SGCZ: variants seen among roughly 807,000 people sequenced by gnomAD.
SGCZ encodes the protein zeta-sarcoglycan.
SGCZ carries 40 observed loss-of-function variants against 41.3 expected under a neutral mutation model. That is an observed-to-expected ratio of 0.97 (90% CI 0.75 to 1.26). The LOEUF (loss-of-function observed/expected upper bound fraction) is 1.26. SGCZ is among the 50% of genes most tolerant of loss of function. The pLI is 0.00. For missense variants in SGCZ, 552 were observed against 369.8 expected (o/e 1.49, Z -4.04); for synonymous variants, 206 against 137.5 (o/e 1.50, Z -3.49).
At chr8:15,011,336 G>C (rs1802821158) in intron 1 of SGCZ, among the ~76,000 whole-genome samples, 1 of 152,066 alleles carries the variant, frequency 6.6e-6, no homozygotes. Context: ...AACAAAAACG[G>C]CCATTACAGA....
intron 2 of SGCZ, among the ~76,000 whole-genome samples, chr8:14,340,736 A>G (rs1240347710): frequency 6.6e-6 from 1 of 152,198 alleles, no homozygotes; most frequent in Non-Finnish European, 1.5e-5. Context: ...AATAAAGTGC[A>G]AAACCAATTC....
chr8:14,680,366 A>T (rs1166460335), intron 1 of SGCZ, among the ~76,000 whole-genome samples: 1 of 152,114 alleles, frequency 6.6e-6, no homozygotes, highest in African/African-American at 2.4e-5. Context: ...TGATAATGAT[A>T]TGTCAGTATA....
At chr8:14,321,873 T>G (rs1801928072) in intron 3 of SGCZ, among the ~76,000 whole-genome samples, 2 of 152,114 alleles carry the variant, frequency 1.3e-5, no homozygotes, top group Admixed American at 1.3e-4. Context: ...ATTGAAATGT[T>G]TGTGTTCTTC....
At chr8:14,233,847 G>C (rs1049838908) in intron 4 of SGCZ, among the ~76,000 whole-genome samples, 3 of 151,876 alleles carry the variant, frequency 2.0e-5, no homozygotes, top group Admixed American at 2.0e-4. Context: ...CCTGGAGAAT[G>C]GTTCTGAGAC....
chr8:14,546,956 C>A (rs557512705), intron 2 of SGCZ, among the ~76,000 whole-genome samples: 1 of 151,648 alleles, frequency 6.6e-6, no homozygotes, highest in East Asian at 1.9e-4. Context: ...AGAGGGGATA[C>A]AATATTTGCT....
intron 2 of SGCZ, among the ~76,000 whole-genome samples, chr8:14,440,413 A>AT (rs1230193485): frequency 2.0e-5 from 3 of 152,082 alleles, no homozygotes; most frequent in African/African-American, 4.8e-5. Context: ...ACATTATTAC[A>AT]TTTTGTCACA....
intron 2 of SGCZ, among the ~76,000 whole-genome samples, chr8:14,496,532 G>C (rs924528377): frequency 6.6e-5 from 10 of 152,080 alleles, no homozygotes; most frequent in African/African-American, 2.4e-4. Flanking sequence ...TCCAAGCTAA[G>C]TATTTAAATT....
At chr8:14,238,775 T>C (rs573595041) in intron 3 of SGCZ, among the ~76,000 whole-genome samples, 18 of 152,160 alleles carry the variant, frequency 1.2e-4, no homozygotes, top group African/African-American at 3.9e-4. Flanking sequence ...GATCAAAAAA[T>C]AGAACAAAAC....
At chr8:14,726,912 T>TA in intron 1 of SGCZ, among the ~76,000 whole-genome samples, 1 of 151,944 alleles carries the variant, frequency 6.6e-6, no homozygotes, top group South Asian at 2.1e-4. Flanking sequence ...AGTATTAAGG[T>TA]AAAAAACTTA....
At chr8:14,582,599 T>A (rs1006691675) in intron 1 of SGCZ, among the ~76,000 whole-genome samples, 1 of 148,780 alleles carries the variant, frequency 6.7e-6, no homozygotes, top group Non-Finnish European at 1.5e-5. Flanking sequence ...CATGCTGGTG[T>A]GCTGCCCATT....
At chr8:14,602,568 C>A (rs1805627764) in intron 1 of SGCZ, among the ~76,000 whole-genome samples, 1 of 152,122 alleles carries the variant, frequency 6.6e-6, no homozygotes, top group Non-Finnish European at 1.5e-5. Flanking sequence ...AATTAATGCA[C>A]ATATCAATGA....
intron 2 of SGCZ, among the ~76,000 whole-genome samples, chr8:14,356,527 A>C (rs1259423929): frequency 6.6e-6 from 1 of 152,150 alleles, no homozygotes; most frequent in Non-Finnish European, 1.5e-5. Context: ...ATAAAGTAGA[A>C]CTTGTTTAAC....
At chr8:14,187,547 AT>A (rs1804945601) in intron 4 of SGCZ, among the ~76,000 whole-genome samples, 2 of 152,188 alleles carry the variant, frequency 1.3e-5, no homozygotes, top group Non-Finnish European at 2.9e-5. Flanking sequence ...TCAAATGAAA[AT>A]TCTGGAGTTG....
At chr8:14,291,766 T>C (rs1800848849) in intron 3 of SGCZ, among the ~76,000 whole-genome samples, 1 of 152,042 alleles carries the variant, frequency 6.6e-6, no homozygotes, top group African/African-American at 2.4e-5. Context: ...TTTCTATTCC[T>C]CTCTTTAGGA....
rs1377071261 is a variant in SGCZ at position 14,206,630 on chromosome 8, A to G, written c.424+30962T>C. 2.6e-5 allele frequency among the ~76,000 whole-genome samples: 4 copies of G among 152,204 alleles called. No individual in the cohort carries two copies. The South Asian group carries it at 8.3e-4, about 31-fold the overall frequency. ...CTTTTACTAAGATGTATGTAAGTTTATAGAACGATGTTCACTAGAAACAGA... is the reference window on the plus strand; with the variant it reads ...CTTTTACTAAGATGTATGTAAGTTTGTAGAACGATGTTCACTAGAAACAGA... On this transcript the variant is annotated intron_variant, in intron 4 of 7. Transcript: ENST00000382080.
At chr8:14,254,152 C>T (rs976132612) in intron 3 of SGCZ, among the ~76,000 whole-genome samples, 5 of 152,044 alleles carry the variant, frequency 3.3e-5, no homozygotes, top group East Asian at 3.9e-4. Flanking sequence ...GCACTTATCT[C>T]GTTGCTTATA....
At chr8:14,754,053 T>A (rs1206147971) in intron 1 of SGCZ, among the ~76,000 whole-genome samples, 4 of 152,234 alleles carry the variant, frequency 2.6e-5, no homozygotes, top group Non-Finnish European at 4.4e-5. Context: ...TGTTTGTTTT[T>A]AATAAGCCCA....
At chr8:15,008,922 G>A (rs1802720711) in intron 1 of SGCZ, among the ~76,000 whole-genome samples, 1 of 152,082 alleles carries the variant, frequency 6.6e-6, no homozygotes, top group Non-Finnish European at 1.5e-5. Flanking sequence ...TCCTCATAGT[G>A]AGTTGGTTAA....
At chr8:14,583,375 G>C (rs905987737) in intron 1 of SGCZ, among the ~76,000 whole-genome samples, 2 of 152,104 alleles carry the variant, frequency 1.3e-5, no homozygotes, top group Non-Finnish European at 2.9e-5. Context: ...TTGTAAATTT[G>C]TTTGAGTTCA....
Sources: allele counts gnomAD v4.1 joint callset (sites outside exome capture counted in the v4.1 genomes callset), GRCh38; gene constraint gnomAD v4.1.1; transcripts MANE v1.5; gene names NCBI Gene and HGNC (gene_info 2026-07-23, HGNC 2026-07-21).